The following RABGAP1L variants were observed in gnomAD, a reference collection of about 807,000 sequenced individuals.
RABGAP1L encodes RAB GTPase activating protein 1 like.
In RABGAP1L, 63 loss-of-function variants were observed where a neutral mutation model predicts 137.7. That is an observed-to-expected ratio of 0.46 (90% CI 0.37 to 0.56). The LOEUF (loss-of-function observed/expected upper bound fraction) is 0.56, where lower values mean the gene tolerates loss of function less well. Ranked by LOEUF, RABGAP1L falls within the 20% of genes least tolerant of loss-of-function variation. The pLI, the probability that RABGAP1L is intolerant of heterozygous loss-of-function variation, is 0.00. For missense variants in RABGAP1L, 1,095 were observed against 1,244.0 expected (o/e 0.88, Z 1.80); for synonymous variants, 431 against 433.7 (o/e 0.99, Z 0.08).
chr1:174,627,435 A>T (rs145256848), intron 13 of RABGAP1L, among the ~76,000 whole-genome samples: 518 of 152,314 alleles, frequency 3.4e-3, no homozygotes, highest in Non-Finnish European at 6.2e-3. Context: ...AATTAAGAGA[A>T]TTGCAAACAT....
At chr1:174,399,985 T>C (rs1244089808) in intron 13 of RABGAP1L, among the ~76,000 whole-genome samples, 4 of 152,096 alleles carry the variant, frequency 2.6e-5, no homozygotes, top group South Asian at 2.1e-4. Flanking sequence ...TTGGCTTCCA[T>C]GAAAAAGTAG....
chr1:174,727,270 C>G (rs922248332), intron 17 of RABGAP1L, among the ~76,000 whole-genome samples: 2 of 152,132 alleles, frequency 1.3e-5, no homozygotes, highest in Admixed American at 1.3e-4. Context: ...TGTTAAGAAT[C>G]AGATTTCATT....
chr1:174,203,605 C>T (rs1668290037), intron 1 of RABGAP1L, among the ~76,000 whole-genome samples: 1 of 151,950 alleles, frequency 6.6e-6, no homozygotes, highest in Admixed American at 6.6e-5. Flanking sequence ...TTTTTTGGTT[C>T]CATATGAATT....
intron 19 of RABGAP1L, among the ~76,000 whole-genome samples, chr1:174,883,039 G>A (rs1207568543): frequency 6.6e-6 from 1 of 152,148 alleles, no homozygotes; most frequent in African/African-American, 2.4e-5. Context: ...GGCCAAGCTG[G>A]TCTTGAACTC....
At chr1:174,961,051 T>C (rs1191260360) in intron 20 of RABGAP1L, among the ~76,000 whole-genome samples, 1 of 152,222 alleles carries the variant, frequency 6.6e-6, no homozygotes, top group Admixed American at 6.5e-5. Flanking sequence ...CATGACTAGA[T>C]TCCAAGAGAC....
In RABGAP1L at chr1:174,831,547, A is replaced by G. The variant is rs181396634; in HGVS notation, c.2340+19587A>G. On this transcript the variant is annotated intron_variant, in intron 19 of 25. Transcript: ENST00000681986. ...CAACCTAACTATTCAGTGTTTTGCT[A>G]TAGACAGACTCTTTGATTGGCCCTA... 2.6e-4 allele frequency among the ~76,000 whole-genome samples: 39 copies of G among 148,532 alleles called. 3 individuals are homozygous for G. The highest frequency in any genetic ancestry group is 9.3e-4 in the African/African-American group (38 of 40,800).
intron 13 of RABGAP1L, among the ~76,000 whole-genome samples, chr1:174,414,156 A>C (rs1412948462): frequency 6.6e-6 from 1 of 152,132 alleles, no homozygotes; most frequent in African/African-American, 2.4e-5. Flanking sequence ...CATTCATGAT[A>C]TAATTTTTTC....
intron 18 of RABGAP1L, among the ~76,000 whole-genome samples, chr1:174,783,385 C>T (rs1157732683): frequency 1.3e-5 from 2 of 152,090 alleles, no homozygotes; most frequent in African/African-American, 4.8e-5. Flanking sequence ...AAAAGGCTTC[C>T]TACCATGTTG....
intron 13 of RABGAP1L, among the ~76,000 whole-genome samples, chr1:174,618,213 G>A (rs2148252887): frequency 6.6e-6 from 1 of 152,270 alleles, no homozygotes; most frequent in African/African-American, 2.4e-5. Context: ...TCCACCTCTG[G>A]GGGCACAGCA....
Position 174,751,564 on chromosome 1 carries a change from TTATCA to T in RABGAP1L, c.2170-745_2170-741del, listed in dbSNP as rs1345667407. ...TAGCAAACATTTCTGATTGTTACCT[TTATCA>T]TATAAGATTCTCTATCTTTTGAATT... On this transcript the variant is annotated intron_variant, in intron 17 of 25. Transcript: ENST00000681986. Among the ~76,000 whole-genome samples the T allele has an allele frequency of 1.1e-4, 16 of 152,352 alleles. No homozygotes were observed. The East Asian group carries it at 1.3e-3, about 13-fold the overall frequency.
chr1:174,665,394 TTTC>T (rs1676711506), intron 14 of RABGAP1L, among the ~76,000 whole-genome samples: 1 of 152,004 alleles, frequency 6.6e-6, no homozygotes. Context: ...CCTTTCTTTC[TTTC>T]TTTTCTTTTC....
At chr1:174,179,262 A>G (rs1169299646) in intron 1 of RABGAP1L, among the ~76,000 whole-genome samples, 1 of 152,060 alleles carries the variant, frequency 6.6e-6, no homozygotes, top group Non-Finnish European at 1.5e-5. Context: ...AGCTTGTTCC[A>G]TTGAGAGAAA....
intron 11 of RABGAP1L, among the ~76,000 whole-genome samples, chr1:174,334,911 C>G (rs1023180006): frequency 6.6e-6 from 1 of 152,152 alleles, no homozygotes; most frequent in African/African-American, 2.4e-5. Flanking sequence ...CACTTTAAAA[C>G]ATCAAAAACA....
intron 14 of RABGAP1L, among the ~76,000 whole-genome samples, chr1:174,664,722 TC>T (rs1557963955): frequency 4.2e-5 from 6 of 143,208 alleles, no homozygotes; most frequent in Non-Finnish European, 9.0e-5. Flanking sequence ...TTTCTTTCTT[TC>T]TTTCTGCTTT....
chr1:174,878,264 T>A (rs981975031), intron 19 of RABGAP1L, among the ~76,000 whole-genome samples: 1 of 152,198 alleles, frequency 6.6e-6, no homozygotes, highest in Non-Finnish European at 1.5e-5. Context: ...TTCGCTCCTA[T>A]TGCCCAGGTT....
chr1:174,575,515 G>A (rs1419422533), intron 13 of RABGAP1L, among the ~76,000 whole-genome samples: 1 of 151,996 alleles, frequency 6.6e-6, no homozygotes, highest in Non-Finnish European at 1.5e-5. Flanking sequence ...TTTTAAGCAA[G>A]GTCTTGTATA....
chr1:174,624,378 C>G (rs999728825), intron 13 of RABGAP1L, among the ~76,000 whole-genome samples: 14 of 152,032 alleles, frequency 9.2e-5, no homozygotes, highest in African/African-American at 3.1e-4. Flanking sequence ...ATATGTATAC[C>G]TATATCTTGT....
chr1:174,502,134 G>A (rs1218385813), intron 13 of RABGAP1L, among the ~76,000 whole-genome samples: 1 of 151,820 alleles, frequency 6.6e-6, no homozygotes, highest in Non-Finnish European at 1.5e-5. Flanking sequence ...TTACTGAAAT[G>A]TATATAAAAA....
At chr1:174,519,200 A>G (rs1266144356) in intron 13 of RABGAP1L, among the ~76,000 whole-genome samples, 1 of 148,884 alleles carries the variant, frequency 6.7e-6, no homozygotes, top group East Asian at 1.9e-4. Context: ...ATATATATAC[A>G]CACACATACA....
Sources: allele counts gnomAD v4.1 joint callset (sites outside exome capture counted in the v4.1 genomes callset), GRCh38; gene constraint gnomAD v4.1.1; transcripts MANE v1.5; gene names NCBI Gene and HGNC (gene_info 2026-07-23, HGNC 2026-07-21).